GCSH: variants seen among roughly 807,000 people sequenced by gnomAD.
GCSH encodes the protein glycine cleavage system H protein, mitochondrial.
A neutral mutation model predicts 21.3 loss-of-function variants in GCSH; 15 were observed. The ratio of observed to expected loss-of-function variants is 0.70; its 90% CI spans 0.47 to 1.08. The LOEUF is 1.08. GCSH is among the 50% of genes least tolerant of loss of function. The pLI is 0.00. For synonymous variants in GCSH, 59 were observed against 84.5 expected, an observed-to-expected ratio of 0.70 and a Z score of 1.66; for missense variants, 179 against 217.5, an observed-to-expected ratio of 0.82 and a Z score of 1.11.
intron 2 of GCSH, among the ~76,000 whole-genome samples, chr16:81,088,151 C>T (rs1434066373): frequency 3.3e-5 from 5 of 151,920 alleles, no homozygotes; most frequent in Middle Eastern, 3.4e-3. Context: ...TGGCTGGGTG[C>T]GGTGGCTCAT....
intron 1 of GCSH, 86 bp from the exon 2 acceptor site, chr16:81,090,766 T>C: frequency 1.1e-6 from 1 of 931,860 alleles, no homozygotes. Context: ...CAAAAGACTT[T>C]CCCAGAATTT....
At chr16:81,094,985 C>T (rs1254078650) in intron 1 of GCSH, among the ~76,000 whole-genome samples, 2 of 151,726 alleles carry the variant, frequency 1.3e-5, no homozygotes, top group African/African-American at 4.8e-5. Context: ...CCCAGCTACT[C>T]GGGAGGCTGA....
intron 2 of GCSH, among the ~76,000 whole-genome samples, chr16:81,089,034 T>G (rs1005062174): frequency 1.4e-4 from 22 of 152,192 alleles, no homozygotes; most frequent in Non-Finnish European, 2.8e-4. Context: ...GGCCTCATAG[T>G]AGGTATACAG....
chr16:81,088,320 C>A (rs1972325661), intron 2 of GCSH, among the ~76,000 whole-genome samples: 1 of 152,184 alleles, frequency 6.6e-6, no homozygotes, highest in Admixed American at 6.6e-5. Context: ...CTGCAAGAGA[C>A]CAGCCGCCAG....
At chr16:81,091,197 A>C (rs1052222169) in intron 1 of GCSH, 2 of 410,964 alleles carry the variant, frequency 4.9e-6, no homozygotes, top group Admixed American at 6.8e-5. Flanking sequence ...TACAAAGTAA[A>C]ATTTTACAGG....
At chr16:81,086,443 G>T (rs1460021363) in intron 3 of GCSH, among the ~76,000 whole-genome samples, 1 of 152,062 alleles carries the variant, frequency 6.6e-6, no homozygotes, top group African/African-American at 2.4e-5. Context: ...TGTACTCCCA[G>T]CTACTTGGGT....
chr16:81,084,568 TCA>T lies in GCSH; in HGVS notation c.317_318del (p.Val106GlufsTer4), dbSNP rs776083401. 5.6e-6 allele frequency: 9 copies of T among 1,607,150 alleles called. No homozygotes were observed. In the South Asian group the frequency reaches 8.8e-5, roughly 16 times the overall value. On this transcript the variant is annotated frameshift_variant, in exon 4 of 5. Transcript: ENST00000315467. LOFTEE classifies it high-confidence loss of function. Reference protein sequence around the residue: ...KQDEFGALESVKAASELYSPL... With the variant: ...KQDEFGALESXKAASELYSPL... ...GGAGAATAGAGTTCACTAGCAGCTTTCACACTTTCCAAAGCACCAAACTCATC... is the reference window on the plus strand; with the variant it reads ...GGAGAATAGAGTTCACTAGCAGCTTTCACTTTCCAAAGCACCAAACTCATC...
intron 4 of GCSH, 199 bp downstream of exon 4, chr16:81,084,264 C>T: frequency 1.6e-6 from 1 of 636,022 alleles, no homozygotes; most frequent in Non-Finnish European, 2.8e-6. Context: ...CAGGCGCGAG[C>T]CACTGCGCCT....
chr16:81,087,748 C>T lies in GCSH; in HGVS notation c.229-84G>A, dbSNP rs8177906. On this transcript the variant is annotated intron_variant, in intron 2 of 4. Coordinates refer to ENST00000315467, the MANE Select transcript of GCSH (RefSeq NM_004483.5). Reference sequence around the variant, plus strand: ...AAACAGAATAAGCCAAACACTGAATCCCCTATAATGAAGATTTAGTATATA... The same window carrying T: ...AAACAGAATAAGCCAAACACTGAATTCCCTATAATGAAGATTTAGTATATA... 98,250 of 876,386 alleles carry T rather than the reference C, an allele frequency of 0.11. 6,770 individuals are homozygous for T. Among genetic ancestry groups the T allele is most frequent in the Non-Finnish European group, 0.14 (72,344 of 520,152 alleles). 54.3% of individuals were successfully genotyped at this position (876,386 alleles called of 1,614,324 possible). A position where few individuals can be genotyped will look rare whatever the true frequency, so the allele number is the denominator to read the frequency against.
chr16:81,090,565 G>T, intron 2 of GCSH, 36 bp downstream of exon 2: 1 of 1,338,946 alleles, frequency 7.5e-7, no homozygotes, highest in Non-Finnish European at 1.1e-6. Context: ...TCATGCAAGA[G>T]CACACTGGGA....
intron 3 of GCSH, among the ~76,000 whole-genome samples, chr16:81,086,535 C>A (rs142314593): frequency 0.027 from 4,053 of 151,210 alleles, 148 homozygotes; most frequent in African/African-American, 0.086. Context: ...CCAGCCTGGG[C>A]AACAGAGCAA....
intron 1 of GCSH, among the ~76,000 whole-genome samples, chr16:81,093,889 T>C (rs1036914252): frequency 1.3e-5 from 2 of 152,034 alleles, no homozygotes; most frequent in African/African-American, 4.8e-5. Context: ...AAGAAGTGGA[T>C]AGATTAGGTA....
rs141599392 is a variant in GCSH at position 81,089,682 on chromosome 16, C to T, written c.228+919G>A. 1.6e-4 allele frequency among the ~76,000 whole-genome samples: 25 copies of T among 152,288 alleles called. 1 individual carries two copies. In the South Asian group the frequency reaches 4.1e-3, roughly 25 times the overall value. ...CCATCAGTTAACATCCCCCCTTCCCCGCCTCACCCAATACATACATCCAGT... is the reference window on the plus strand; with the variant it reads ...CCATCAGTTAACATCCCCCCTTCCCTGCCTCACCCAATACATACATCCAGT... On this transcript the variant is annotated intron_variant, in intron 2 of 4. Coordinates refer to ENST00000315467, the MANE Select transcript of GCSH (RefSeq NM_004483.5).
intron 1 of GCSH, among the ~76,000 whole-genome samples, chr16:81,094,740 A>G (rs1972465273): frequency 6.6e-6 from 1 of 152,070 alleles, no homozygotes; most frequent in South Asian, 2.1e-4. Flanking sequence ...ATGAGACAAG[A>G]GCCATCACTG....
At position 81,082,735 on chromosome 16, in the gene GCSH, G is replaced by A. The variant is rs764046551; in HGVS notation, c.*131C>T. On this transcript the variant is annotated 3_prime_UTR_variant, in exon 5 of 5. Coordinates refer to ENST00000315467, the MANE Select transcript of GCSH (RefSeq NM_004483.5). ...AAGGGCATTTTCTTTCATTAGCAGT[G>A]TTAACAGTAGTTTTTTTTTCCCCAT... 3.2e-6 allele frequency: 2 copies of A among 619,808 alleles called. No individual in the cohort carries two copies. The highest frequency in any genetic ancestry group is 2.8e-5 in the East Asian group (1 of 35,308). The allele number at this position is 619,808 out of a possible 1,614,324, so 38.4% of individuals were successfully genotyped here.
At chr16:81,092,904 G>A (rs1395477184) in intron 1 of GCSH, among the ~76,000 whole-genome samples, 1 of 151,950 alleles carries the variant, frequency 6.6e-6, no homozygotes, top group Non-Finnish European at 1.5e-5. Context: ...GGCCAAGGCA[G>A]GCGGATCACC....
At chr16:81,092,704 C>T (rs1972420914) in intron 1 of GCSH, among the ~76,000 whole-genome samples, 1 of 151,938 alleles carries the variant, frequency 6.6e-6, no homozygotes. Flanking sequence ...GATCACGCCA[C>T]TGCACTCCAG....
At position 81,093,454 on chromosome 16, in the gene GCSH, A is replaced by G. The variant is rs151137247; in HGVS notation, c.148+2677T>C. Among the ~76,000 whole-genome samples the G allele has an allele frequency of 2.8e-3, 419 of 152,220 alleles. 2 individuals are homozygous for G. Among genetic ancestry groups the G allele is most frequent in the Non-Finnish European group, 2.7e-3 (186 of 68,020 alleles). ...AATTGTAATTAGTACAATTCTCCTT[A>G]ACAAGGAGCAGTTAGTGTCTCAAAC... On this transcript the variant is annotated intron_variant, in intron 1 of 4. Transcript: ENST00000315467.
intron 3 of GCSH, among the ~76,000 whole-genome samples, chr16:81,086,347 A>G (rs1389618926): frequency 1.3e-5 from 2 of 152,118 alleles, no homozygotes; most frequent in Non-Finnish European, 2.9e-5. Context: ...AGCCTGGCCA[A>G]CATGGTGAAA....
Sources: gnomAD v4.1 joint callset for allele counts (sites outside exome capture counted in the v4.1 genomes callset) on GRCh38, gnomAD v4.1.1 for gene constraint, MANE v1.5 for transcripts, NCBI Gene and HGNC (gene_info 2026-07-23, HGNC 2026-07-21) for gene names.